The following IL33 variants were observed in gnomAD, a reference collection of about 807,000 sequenced individuals.
IL33 encodes interleukin-33.
In IL33, 37 loss-of-function variants were observed where a neutral mutation model predicts 27.3. The observed-to-expected ratio is 1.36, with a 90% CI of 1.04 to 1.78. The LOEUF is 1.78. Ranked by LOEUF, IL33 falls within the 40% of genes most tolerant of loss-of-function variation. The pLI, the probability that IL33 is intolerant of heterozygous loss-of-function variation, is 0.00. For missense variants in IL33, 406 were observed against 311.4 expected (o/e 1.30, Z -2.29); for synonymous variants, 132 against 102.9 (o/e 1.28, Z -1.71).
chr9:6,247,456 T>C (rs1271673007), intron 2 of IL33, among the ~76,000 whole-genome samples: 1 of 152,332 alleles, frequency 6.6e-6, no homozygotes, highest in Admixed American at 6.5e-5. Context: ...TGTGGTTTCC[T>C]ATCAGCCATA....
chr9:6,252,021 G>C (rs1480904529), intron 4 of IL33, among the ~76,000 whole-genome samples: 1 of 140,428 alleles, frequency 7.1e-6, no homozygotes. Flanking sequence ...TGGGCAACAA[G>C]AGCGGCTGTC....
At chr9:6,216,725 G>A (rs1026815907) in intron 1 of IL33, among the ~76,000 whole-genome samples, 2 of 152,154 alleles carry the variant, frequency 1.3e-5, no homozygotes, top group Admixed American at 1.3e-4. Context: ...TCCAGCCTGG[G>A]TAACAAGAGC....
chr9:6,243,551 C>T (rs765648751), intron 2 of IL33, among the ~76,000 whole-genome samples: 7 of 152,124 alleles, frequency 4.6e-5, no homozygotes, highest in Non-Finnish European at 1.0e-4. Flanking sequence ...GATGGGGTTT[C>T]ACCAGGTTGG....
intron 2 of IL33, among the ~76,000 whole-genome samples, chr9:6,244,420 A>G (rs191503064): frequency 5.3e-4 from 80 of 152,242 alleles, no homozygotes; most frequent in African/African-American, 1.4e-3. Context: ...CCCTATATAT[A>G]CTATGTTTTT....
At chr9:6,223,729 A>T (rs1196491596) in intron 1 of IL33, among the ~76,000 whole-genome samples, 5 of 152,192 alleles carry the variant, frequency 3.3e-5, no homozygotes, top group Admixed American at 1.3e-4. Flanking sequence ...ATATCACTTG[A>T]TATACTTTTA....
intron 1 of IL33, among the ~76,000 whole-genome samples, chr9:6,237,011 C>T (rs1370095768): frequency 6.6e-6 from 1 of 152,222 alleles, no homozygotes; most frequent in Non-Finnish European, 1.5e-5. Context: ...TACATCAATA[C>T]TGTCATCCAA....
chr9:6,242,220 T>C (rs570422211), intron 2 of IL33: 1 of 152,640 alleles, frequency 6.6e-6, no homozygotes, highest in African/African-American at 2.4e-5. Context: ...CGACTACTGA[T>C]GAAGAAGAGA....
chr9:6,228,846 C>CAAA (rs386414378), intron 1 of IL33, among the ~76,000 whole-genome samples: 1,561 of 135,748 alleles, frequency 0.011, 31 homozygotes, highest in African/African-American at 0.037. Context: ...AACACTGACT[C>CAAA]AAAAAAAAAA....
chr9:6,233,762 C>G (rs900087187), intron 1 of IL33, among the ~76,000 whole-genome samples: 6 of 152,176 alleles, frequency 3.9e-5, no homozygotes, highest in Admixed American at 3.9e-4. Flanking sequence ...AGCAACTTGT[C>G]CAAGGTCACC....
At chr9:6,235,176 G>C (rs1819130616) in intron 1 of IL33, among the ~76,000 whole-genome samples, 1 of 152,098 alleles carries the variant, frequency 6.6e-6, no homozygotes. Context: ...AAGTAGCTAA[G>C]ACTGCACGTG....
Position 6,255,870 on chromosome 9 carries a change from A to G in IL33, c.613-98A>G, listed in dbSNP as rs563794940. On this transcript the variant is annotated intron_variant, in intron 7 of 7. Transcript: ENST00000682010. Reference sequence around the variant, plus strand: ...GCAAGCTTGCTAGAAATATCAAGTCATAAATAAGTATTCCCCTTTAGTTTC... The same window carrying G: ...GCAAGCTTGCTAGAAATATCAAGTCGTAAATAAGTATTCCCCTTTAGTTTC... 1.1e-5 allele frequency: 10 copies of G among 936,514 alleles called. No individual in the cohort carries two copies. The African/African-American group carries it at 1.5e-4, about 14-fold the overall frequency. The allele number at this position is 936,514 out of a possible 1,614,324, so 58.0% of individuals were successfully genotyped here.
rs563675868 is a variant in IL33 at position 6,238,612 on chromosome 9, A to G, written c.-11-3072A>G. On this transcript the variant is annotated intron_variant, in intron 1 of 7. Coordinates refer to ENST00000682010, the MANE Select transcript of IL33 (RefSeq NM_033439.4). ...ACGAGTCCTCTAATCCAAGAACTCA[A>G]TGCTCTTCTTTTAACTGCTAGAAGA... 3.9e-5 allele frequency among the ~76,000 whole-genome samples: 6 copies of G among 152,336 alleles called. No homozygotes were observed. The South Asian group carries it at 1.2e-3, about 32-fold the overall frequency.
upstream of IL33, among the ~76,000 whole-genome samples, chr9:6,215,240 G>C (rs893626773): frequency 6.6e-6 from 1 of 152,168 alleles, no homozygotes; most frequent in Non-Finnish European, 1.5e-5. Flanking sequence ...TATAGTACAG[G>C]ATTTGCTTTT....
At chr9:6,222,338 A>G (rs372440679) in intron 1 of IL33, among the ~76,000 whole-genome samples, 20 of 152,326 alleles carry the variant, frequency 1.3e-4, no homozygotes, top group African/African-American at 4.6e-4. Context: ...GATATTCAAA[A>G]TATTTAATAG....
chr9:6,221,121 T>C (rs925600727), intron 1 of IL33, among the ~76,000 whole-genome samples: 2 of 152,180 alleles, frequency 1.3e-5, no homozygotes, highest in Non-Finnish European at 2.9e-5. Flanking sequence ...GGCACAGAAA[T>C]AAGTACCAAT....
intron 1 of IL33, among the ~76,000 whole-genome samples, chr9:6,237,175 G>T (rs1039756581): frequency 1.3e-5 from 2 of 152,154 alleles, no homozygotes; most frequent in Non-Finnish European, 2.9e-5. Flanking sequence ...AGGGATATCT[G>T]CTGTATATCA....
intron 2 of IL33, among the ~76,000 whole-genome samples, chr9:6,247,126 A>G (rs909131915): frequency 2.0e-5 from 3 of 152,202 alleles, no homozygotes; most frequent in Non-Finnish European, 1.5e-5. Flanking sequence ...AAGGTGATTG[A>G]AGTCATTGGA....
chr9:6,251,678 A>G (rs1454984730), intron 4 of IL33, among the ~76,000 whole-genome samples: 1 of 151,986 alleles, frequency 6.6e-6, no homozygotes, highest in Non-Finnish European at 1.5e-5. Flanking sequence ...ATGGTTTTAA[A>G]TTTTATCACT....
At chr9:6,233,139 C>G (rs994775644) in intron 1 of IL33, among the ~76,000 whole-genome samples, 2 of 152,204 alleles carry the variant, frequency 1.3e-5, no homozygotes, top group Non-Finnish European at 2.9e-5. Context: ...AAACTCTATG[C>G]TCACTGAACA....
Sources: gnomAD v4.1 joint callset for allele counts (sites outside exome capture counted in the v4.1 genomes callset) on GRCh38, gnomAD v4.1.1 for gene constraint, MANE v1.5 for transcripts, NCBI Gene and HGNC (gene_info 2026-07-23, HGNC 2026-07-21) for gene names.